Variants in EML6 observed in about 807,000 individuals in gnomAD.
EML6 encodes the protein EMAP like 6, also known as echinoderm microtubule-associated protein-like 6.
In EML6, 154 loss-of-function variants were observed where a neutral mutation model predicts 240.1. That is an observed-to-expected ratio of 0.64 (90% CI 0.56 to 0.73). The LOEUF is 0.73. Ranked by LOEUF, EML6 falls within the 30% of genes least tolerant of loss-of-function variation. The probability of loss-of-function intolerance (pLI) is 0.00; values close to 1 mark genes in which losing one functional copy is unlikely to be tolerated. For missense variants in EML6, 2,964 were observed against 2,474.6 expected, an observed-to-expected ratio of 1.20 and a Z score of -4.20; for synonymous variants, 1,148 against 899.0, an observed-to-expected ratio of 1.28 and a Z score of -4.95.
chr2:54,949,635 G>GT (rs1573202640), intron 29 of EML6, among the ~76,000 whole-genome samples: 4 of 152,282 alleles, frequency 2.6e-5, no homozygotes, highest in Admixed American at 2.6e-4. Flanking sequence ...TCCAGAGTTG[G>GT]TTTTTTAAAG....
At chr2:54,768,396 C>T (rs1668278202) in intron 2 of EML6, among the ~76,000 whole-genome samples, 1 of 152,124 alleles carries the variant, frequency 6.6e-6, no homozygotes, top group Non-Finnish European at 1.5e-5. Flanking sequence ...CCTAGTTGGT[C>T]CCCACTACTA....
At chr2:54,917,064 A>G in intron 26 of EML6, 129 bp downstream of exon 26, 1 of 656,622 alleles carries the variant, frequency 1.5e-6, no homozygotes, top group Non-Finnish European at 2.5e-6. Context: ...TTTATGCTGT[A>G]TAAAAACCTC....
chr2:54,881,029 G>A (rs1671781994), intron 17 of EML6: 1 of 152,056 alleles, frequency 6.6e-6, no homozygotes, highest in Admixed American at 6.5e-5. Context: ...TTAACACAAA[G>A]TTGACTTAAC....
At chr2:54,862,832 A>G (rs994543577) in intron 12 of EML6, among the ~76,000 whole-genome samples, 3 of 152,230 alleles carry the variant, frequency 2.0e-5, no homozygotes, top group African/African-American at 4.8e-5. Flanking sequence ...ATGCAAGTTG[A>G]AGGTCTAAGG....
intron 38 of EML6, among the ~76,000 whole-genome samples, chr2:54,966,455 A>C (rs891930559): frequency 1.3e-5 from 2 of 152,176 alleles, no homozygotes; most frequent in Non-Finnish European, 2.9e-5. Context: ...TGGTAGGAAA[A>C]ATGGTCTGTT....
intron 22 of EML6, among the ~76,000 whole-genome samples, chr2:54,900,580 AAG>A (rs1398012036): frequency 3.3e-5 from 5 of 152,176 alleles, no homozygotes; most frequent in Admixed American, 3.3e-4. Context: ...AGCCTGAGAG[AAG>A]CCACGACTGA....
At position 54,950,580 on chromosome 2, in the gene EML6, A is replaced by G. The variant is rs1015807322; in HGVS notation, c.4084-70A>G. The G allele has an allele frequency of 2.6e-6, 4 of 1,522,536 alleles. No individual in the cohort carries two copies. The Admixed American group carries it at 6.0e-5, about 23-fold the overall frequency. The allele number at this position is 1,522,536 out of a possible 1,614,324, so 94.3% of individuals were successfully genotyped here. A position where few individuals can be genotyped will look rare whatever the true frequency, so the allele number is the denominator to read the frequency against. Reference sequence around the variant, plus strand: ...TGGGACACACGAGGCTGCTCACGCAATGTGGGTGTGTTCCTCGGCTCTCCC... The same window carrying G: ...TGGGACACACGAGGCTGCTCACGCAGTGTGGGTGTGTTCCTCGGCTCTCCC... On this transcript the variant is annotated intron_variant, in intron 29 of 41. Transcript: ENST00000356458.
chr2:54,823,868 C>CTT (rs1668452298), intron 5 of EML6, among the ~76,000 whole-genome samples: 1 of 148,128 alleles, frequency 6.8e-6, no homozygotes, highest in African/African-American at 2.6e-5. Context: ...CTCTCTCTCT[C>CTT]TCTCTCTCTT....
chr2:54,964,320 C>T (rs995234724), intron 37 of EML6, among the ~76,000 whole-genome samples, 162 bp downstream of exon 37: 1 of 152,238 alleles, frequency 6.6e-6, no homozygotes, highest in East Asian at 1.9e-4. Flanking sequence ...CACTCTTAGA[C>T]AAGTCTTTGC....
intron 13 of EML6, among the ~76,000 whole-genome samples, chr2:54,866,095 G>A (rs1422327721): frequency 6.6e-6 from 1 of 152,086 alleles, no homozygotes; most frequent in African/African-American, 2.4e-5. Flanking sequence ...CTAAACAGGG[G>A]CCTTATATTT....
rs746979297 is a variant in EML6 at position 54,853,734 on chromosome 2, G to T, written c.1536G>T (p.Trp512Cys). The T allele has an allele frequency of 4.5e-6, 7 of 1,551,446 alleles. No individual in the cohort carries two copies. The highest frequency in any genetic ancestry group is 2.0e-5 in the Admixed American group (1 of 50,974). Residue 512 changes from tryptophan (W) to cysteine (C), a missense_variant, in exon 11 of 42, where the codon TGG becomes TGT. Coordinates refer to ENST00000356458, the MANE Select transcript of EML6 (RefSeq NM_001039753.4). ...AAGGCCCTGAAGTGAGTGGAATTTG[G>T]CCCAAATACACTGAGGTTACTGACA... is the stretch of plus-strand genomic sequence containing the variant. ...CVKGPEVSGI[W>C]PKYTEVTDIN...
intron 2 of EML6, among the ~76,000 whole-genome samples, chr2:54,730,881 A>G (rs1161266428): frequency 1.3e-5 from 2 of 152,334 alleles, no homozygotes; most frequent in African/African-American, 4.8e-5. Context: ...GAACATGACA[A>G]AGTTTCTGCC....
At chr2:54,847,757 G>A (rs912977322) in intron 9 of EML6, 134 bp downstream of exon 9, 8 of 811,696 alleles carry the variant, frequency 9.9e-6, no homozygotes, top group Non-Finnish European at 1.4e-5. Context: ...ATAGATCTAC[G>A]ATCCCCTATC....
chr2:54,908,889 C>T lies in EML6; in HGVS notation c.3410-2065C>T, dbSNP rs137968355. 2.3e-4 allele frequency among the ~76,000 whole-genome samples: 35 copies of T among 152,150 alleles called. No homozygotes were observed. The East Asian group carries it at 5.2e-3, about 23-fold the overall frequency. On this transcript the variant is annotated intron_variant, in intron 24 of 41. Coordinates refer to ENST00000356458, the MANE Select transcript of EML6 (RefSeq NM_001039753.4). Reference sequence around the variant, plus strand: ...TGCCCGCAGAGTATAAACATGACCGCGGGGGCAGTTCTCGGGGAAGGGGCA... The same window carrying T: ...TGCCCGCAGAGTATAAACATGACCGTGGGGGCAGTTCTCGGGGAAGGGGCA...
At chr2:54,818,146 T>A (rs974204688) in intron 4 of EML6, among the ~76,000 whole-genome samples, 22 of 152,184 alleles carry the variant, frequency 1.4e-4, no homozygotes, top group Non-Finnish European at 1.5e-5. Flanking sequence ...TTGGGCCTTA[T>A]CACCTTGGAA....
chr2:54,803,509 C>G (rs1041307978), intron 2 of EML6, among the ~76,000 whole-genome samples: 1 of 152,124 alleles, frequency 6.6e-6, no homozygotes, highest in Non-Finnish European at 1.5e-5. Context: ...GTTGTCACTT[C>G]TATTTAAGCC....
At chr2:54,879,466 T>C (rs574478734) in intron 16 of EML6, 81 bp from the exon 17 acceptor site, 1 of 875,960 alleles carries the variant, frequency 1.1e-6, no homozygotes, top group South Asian at 1.6e-5. Flanking sequence ...TTAAGATCAG[T>C]TACTTATTCC....
At chr2:54,813,485 C>A in intron 3 of EML6, 94 bp downstream of exon 3, 1 of 1,084,206 alleles carries the variant, frequency 9.2e-7, no homozygotes, top group Non-Finnish European at 1.3e-6. Context: ...AGTCCATCAA[C>A]CCTTGCTGGT....
intron 28 of EML6, among the ~76,000 whole-genome samples, chr2:54,932,008 A>G (rs1674889716): frequency 6.6e-6 from 1 of 152,204 alleles, no homozygotes; most frequent in Non-Finnish European, 1.5e-5. Flanking sequence ...CAGTTATTTG[A>G]CTTTAAAATA....
Sources: allele counts gnomAD v4.1 joint callset (sites outside exome capture counted in the v4.1 genomes callset), GRCh38; gene constraint gnomAD v4.1.1; transcripts MANE v1.5; gene names NCBI Gene and HGNC (gene_info 2026-07-23, HGNC 2026-07-21).